Variants in MATN3 observed in about 807,000 individuals in gnomAD.
MATN3 encodes the protein matrilin-3.
MATN3 carries 48 observed loss-of-function variants against 45.3 expected under a neutral mutation model. The observed-to-expected ratio is 1.06, with a 90% CI of 0.84 to 1.35. The LOEUF is 1.35. Ranked by LOEUF, MATN3 falls within the 40% of genes most tolerant of loss-of-function variation. The pLI, the probability that MATN3 is intolerant of heterozygous loss-of-function variation, is 0.00. For missense variants in MATN3, 599 were observed against 628.0 expected (o/e 0.95, Z 0.49); for synonymous variants, 217 against 245.9 (o/e 0.88, Z 1.10).
At chr2:19,998,718 C>T (rs916470182) in intron 5 of MATN3, among the ~76,000 whole-genome samples, 7 of 151,780 alleles carry the variant, frequency 4.6e-5, no homozygotes, top group South Asian at 4.2e-4. Flanking sequence ...ATCACACCAC[C>T]GCACTCCAGC....
intron 2 of MATN3, among the ~76,000 whole-genome samples, chr2:20,004,739 G>A (rs1170035487): frequency 1.3e-5 from 2 of 152,166 alleles, no homozygotes; most frequent in African/African-American, 4.8e-5. Context: ...ATGGTATGGA[G>A]GGATTACCTT....
At chr2:19,997,374 G>A in intron 5 of MATN3, 115 bp from the exon 6 acceptor site, 1 of 1,081,490 alleles carries the variant, frequency 9.2e-7, no homozygotes, top group Non-Finnish European at 1.3e-6. Context: ...GAATGTAGTA[G>A]TCAGTAGTCA....
rs764078454 is a variant in MATN3 at position 20,005,775 on chromosome 2, T to C, written c.759A>G (p.Lys253=). 110 of 1,604,018 alleles carry C rather than the reference T, an allele frequency of 6.9e-5. No homozygotes were observed. The highest frequency in any genetic ancestry group is 8.9e-5 in the Non-Finnish European group (104 of 1,173,674). The change falls in exon 2 of 8, where the codon AAA becomes AAG. Residue 253 remains lysine (K), a synonymous_variant. Coordinates refer to ENST00000407540, the MANE Select transcript of MATN3 (RefSeq NM_002381.5). The part of the protein sequence containing the change: ...FYVETYGVIE[K]LSSRFQETFC... ...AGGTTTCCTGGAATCTAGAGGAAAGTTTCTCAATGACCCCATAGGTCTCCA... is the reference window on the plus strand; with the variant it reads ...AGGTTTCCTGGAATCTAGAGGAAAGCTTCTCAATGACCCCATAGGTCTCCA...
At chr2:20,009,340 G>A (rs1037240177) in intron 1 of MATN3, among the ~76,000 whole-genome samples, 20 of 150,538 alleles carry the variant, frequency 1.3e-4, no homozygotes, top group African/African-American at 4.9e-4. Flanking sequence ...GGACATGGAT[G>A]AAGCTGGAAG....
At chr2:20,002,191 C>CACACAGAGAG in intron 3 of MATN3, 111 bp from the exon 4 acceptor site, 1 of 756,944 alleles carries the variant, frequency 1.3e-6, no homozygotes, top group Non-Finnish European at 2.0e-6. Context: ...CACACACACA[C>CACACAGAGAG]AGAGCTAATG....
In MATN3 at chr2:20,005,746, CA is replaced by C; in HGVS notation, c.787del (p.Cys263ValfsTer35). On this transcript the variant is annotated frameshift_variant, in exon 2 of 8. Coordinates refer to ENST00000407540, the MANE Select transcript of MATN3 (RefSeq NM_002381.5). LOFTEE classifies it high-confidence loss of function. ...KLSSRFQETF[C>X]ALDPCVLGTH... Reference sequence around the variant, plus strand: ...GAAGCAAAGACTGACCAACTTACCACAGAAGGTTTCCTGGAATCTAGAGGAA... The same window carrying C: ...GAAGCAAAGACTGACCAACTTACCACGAAGGTTTCCTGGAATCTAGAGGAA... The C allele has an allele frequency of 1.9e-6, 3 of 1,593,556 alleles. No homozygotes were observed. The East Asian group carries it at 6.7e-5, about 36-fold the overall frequency.
chr2:20,012,568 G>T lies in MATN3; in HGVS notation c.64C>A (p.Leu22Met). ...GLLLLLWPLL[L>M]LPSAAPDPVA... ...GGGTCGGGGGCGGCGGAGGGCAGCA[G>T]CAGCAGCGGCCAGAGCAGCAGGAGG... The change falls in exon 1 of 8, where the codon CTG becomes ATG. Residue 22 changes from leucine (L) to methionine (M), a missense_variant. Leu to Met is a conservative substitution (Grantham distance 15). Coordinates refer to ENST00000407540, the MANE Select transcript of MATN3 (RefSeq NM_002381.5). The surrounding 1 kb of genome is among the most constrained non-coding windows in gnomAD (Gnocchi z 4.3). 2 of 1,226,954 alleles carry T rather than the reference G, an allele frequency of 1.6e-6. No homozygotes were observed. Among genetic ancestry groups the T allele is most frequent in the Non-Finnish European group, 2.0e-6 (2 of 985,690 alleles). The allele number at this position is 1,226,954 out of a possible 1,614,324, so 76.0% of individuals were successfully genotyped here.
rs564149685 is a variant in MATN3 at position 20,004,911 on chromosome 2, A to T, written c.790+833T>A. On this transcript the variant is annotated intron_variant, in intron 2 of 7. Coordinates refer to ENST00000407540, the MANE Select transcript of MATN3 (RefSeq NM_002381.5). ...AGAGGGAACAAAAGATTATCTCCAG[A>T]TGATAAAAAAATAAAGCATGAGTCC... 3.9e-5 allele frequency among the ~76,000 whole-genome samples: 6 copies of T among 152,326 alleles called. No homozygotes were observed. In the East Asian group the frequency reaches 9.6e-4, roughly 24 times the overall value.
chr2:20,000,406 C>T (rs770787493), intron 5 of MATN3, 35 bp downstream of exon 5: 2 of 1,578,278 alleles, frequency 1.3e-6, no homozygotes, highest in African/African-American at 2.7e-5. Context: ...ATGTGAAAGA[C>T]CCAAGTATGA....
At chr2:19,993,555 G>A (rs1280101389) in intron 7 of MATN3, among the ~76,000 whole-genome samples, 6 of 152,224 alleles carry the variant, frequency 3.9e-5, no homozygotes, top group African/African-American at 1.2e-4. Context: ...TAAATGAGAA[G>A]TATGCCTTTC....
intron 5 of MATN3, among the ~76,000 whole-genome samples, chr2:19,999,723 A>G (rs922183727): frequency 7.9e-5 from 12 of 152,046 alleles, no homozygotes; most frequent in African/African-American, 2.9e-4. Flanking sequence ...GGGAGAGGAA[A>G]ATATATGTCA....
At position 20,003,197 on chromosome 2, in the gene MATN3, C is replaced by A. The variant is rs561790770; in HGVS notation, c.880G>T (p.Gly294Ter). The change falls in exon 3 of 8, where the codon GGA becomes TGA. Residue 294 changes from glycine to a stop codon, truncating the protein, a stop_gained. Transcript: ENST00000407540. LOFTEE classifies it high-confidence loss of function. ...EGKHHCECSQ[G>*]YTLNADKKTC... is the part of the protein sequence containing the mutation. ...TTCTTGTCGGCATTCAAGGTGTATC[C>A]TTGGCTACACTCACAGTGGTGCTTG... 9.3e-6 allele frequency: 15 copies of A among 1,613,892 alleles called. No individual in the cohort carries two copies. The Admixed American group carries it at 2.5e-4, about 27-fold the overall frequency.
chr2:19,997,486 C>T, intron 5 of MATN3: 1 of 417,192 alleles, frequency 2.4e-6, no homozygotes, highest in African/African-American at 2.1e-5. Context: ...ATATCTCTCA[C>T]AGATATCTAA....
intron 3 of MATN3, 97 bp from the exon 4 acceptor site, chr2:20,002,177 C>CACAT: frequency 2.2e-6 from 2 of 891,716 alleles, no homozygotes; most frequent in Non-Finnish European, 3.4e-6. Flanking sequence ...CACACACACA[C>CACAT]ACACACACAC....
At chr2:20,001,918 G>A in intron 4 of MATN3, 37 bp downstream of exon 4, 1 of 1,603,646 alleles carries the variant, frequency 6.2e-7, no homozygotes. Context: ...TAGGCAGAGA[G>A]CTAAGTAGCA....
In MATN3 at chr2:20,000,547, C is replaced by G. The variant is rs1328921697; in HGVS notation, c.1062G>C (p.Leu354Phe). The G allele has an allele frequency of 3.1e-6, 5 of 1,607,760 alleles. No homozygotes were observed. Among genetic ancestry groups the G allele is most frequent in the African/African-American group, 1.3e-5 (1 of 74,450 alleles). The change falls in exon 5 of 8, where the codon TTG becomes TTC. Residue 354 changes from leucine (L) to phenylalanine (F), a missense_variant. By Grantham distance (22) the Leu-to-Phe change is conservative. Transcript: ENST00000407540. ...KTCSAQDKCA[L>F]GTHGCQHICV... ...AAATGTGCTGACACCCATGGGTACC[C>G]AAAGCACATTTATCTTGAGCTGTGA...
intron 5 of MATN3, 134 bp from the exon 6 acceptor site, chr2:19,997,393 C>G (rs1359459479): frequency 3.5e-6 from 3 of 854,718 alleles, no homozygotes; most frequent in Non-Finnish European, 5.3e-6. Context: ...CAGCAACAGG[C>G]CCCATGCTGC....
intron 3 of MATN3, 86 bp downstream of exon 3, chr2:20,003,075 A>G: frequency 1.3e-6 from 2 of 1,513,136 alleles, no homozygotes; most frequent in Non-Finnish European, 1.8e-6. Flanking sequence ...AAGGGGTCAG[A>G]GAGTCAAAGC....
rs7586396 is a variant in MATN3 at position 20,005,506 on chromosome 2, A to G, written c.790+238T>C. Among the ~76,000 whole-genome samples, 1,071 of 152,310 alleles carry G rather than the reference A, an allele frequency of 7.0e-3. 15 individuals are homozygous for G. The highest frequency in any genetic ancestry group is 0.023 in the African/African-American group (954 of 41,564). The stretch of plus-strand genomic sequence containing the variant: ...CTTCACAGTTCTAACGCAAACATGA[A>G]GATTTTATGAGCAAACCAAGTTCCA... On this transcript the variant is annotated intron_variant, in intron 2 of 7. Coordinates refer to ENST00000407540, the MANE Select transcript of MATN3 (RefSeq NM_002381.5).
Sources: allele counts gnomAD v4.1 joint callset (sites outside exome capture counted in the v4.1 genomes callset), GRCh38; gene constraint gnomAD v4.1.1; non-coding constraint Gnocchi (gnomAD v3.1); transcripts MANE v1.5; gene names NCBI Gene and HGNC (gene_info 2026-07-23, HGNC 2026-07-21).